The following OPRD1 variants were observed in gnomAD, a reference collection of about 807,000 sequenced individuals.
OPRD1 encodes the protein opioid receptor delta 1, also known as delta-type opioid receptor.
Under a neutral mutation model 17.5 loss-of-function variants are expected in OPRD1, and 19 were observed. The ratio of observed to expected loss-of-function variants is 1.09; its 90% CI spans 0.76 to 1.60. OPRD1 has a LOEUF of 1.60. OPRD1 is among the 40% of genes most tolerant of loss of function. The pLI is 0.00. For synonymous variants in OPRD1, 256 were observed against 240.9 expected (o/e 1.06, Z -0.58); for missense variants, 483 against 547.2 (o/e 0.88, Z 1.17).
intron 1 of OPRD1, among the ~76,000 whole-genome samples, chr1:28,819,823 G>A (rs1344926030): frequency 1.3e-5 from 2 of 152,318 alleles, no homozygotes; most frequent in East Asian, 3.9e-4. Context: ...ATGGGGTAGA[G>A]GGTAGATTGC....
chr1:28,852,968 C>T (rs1297893326), intron 1 of OPRD1, among the ~76,000 whole-genome samples: 56 of 152,158 alleles, frequency 3.7e-4, no homozygotes, highest in Admixed American at 3.7e-3. Context: ...GATCTACCCA[C>T]CTTGGCCTCC....
intron 1 of OPRD1, among the ~76,000 whole-genome samples, chr1:28,855,122 C>T (rs548012025): frequency 3.9e-5 from 6 of 152,194 alleles, no homozygotes; most frequent in East Asian, 1.9e-4. Flanking sequence ...AAAATGAAGC[C>T]GCTGAAGGAG....
At chr1:28,817,094 A>G (rs2088677253) in intron 1 of OPRD1, among the ~76,000 whole-genome samples, 1 of 152,036 alleles carries the variant, frequency 6.6e-6, no homozygotes, top group Admixed American at 6.6e-5. Context: ...GCCAGCCTCC[A>G]TGAGACGCCT....
rs2089173015 is a variant in OPRD1 at position 28,866,004 on chromosome 1, A to C, written c.*2721A>C. On this transcript the variant is annotated 3_prime_UTR_variant, in exon 3 of 3. Coordinates refer to ENST00000234961, the MANE Select transcript of OPRD1 (RefSeq NM_000911.4). ...TGTTTTTTGCCCCTTCTGATATGTA[A>C]ATCTGTCCTGAGGTCAGCAGGGCCC... 1 of 152,104 alleles carries C rather than the reference A, an allele frequency of 6.6e-6. No individual in the cohort carries two copies. The highest frequency in any genetic ancestry group is 1.5e-5 in the Non-Finnish European group (1 of 68,032). 9.4% of individuals were successfully genotyped at this position (152,104 alleles called of 1,614,324 possible).
intron 1 of OPRD1, among the ~76,000 whole-genome samples, chr1:28,843,562 T>A (rs2088912943): frequency 6.6e-6 from 1 of 152,226 alleles, no homozygotes; most frequent in Non-Finnish European, 1.5e-5. Context: ...CAAATTTTAT[T>A]TAGCACGATA....
At chr1:28,819,762 G>A (rs948007103) in intron 1 of OPRD1, among the ~76,000 whole-genome samples, 9 of 152,142 alleles carry the variant, frequency 5.9e-5, no homozygotes, top group East Asian at 3.8e-4. Context: ...ATGACATGGC[G>A]GAATGGAGGC....
intron 1 of OPRD1, among the ~76,000 whole-genome samples, chr1:28,826,040 A>G (rs977675492): frequency 6.6e-6 from 1 of 152,212 alleles, no homozygotes; most frequent in East Asian, 1.9e-4. Context: ...ATGGACAGTA[A>G]ACAAATAGAT....
chr1:28,826,831 C>G (rs930949064), intron 1 of OPRD1, among the ~76,000 whole-genome samples: 1 of 152,148 alleles, frequency 6.6e-6, no homozygotes, highest in African/African-American at 2.4e-5. Flanking sequence ...CTGTAGCATG[C>G]GATGCTGTTT....
intron 1 of OPRD1, among the ~76,000 whole-genome samples, chr1:28,835,027 G>A (rs1420486322): frequency 6.6e-6 from 1 of 152,196 alleles, no homozygotes; most frequent in Non-Finnish European, 1.5e-5. Context: ...GAGTGGGTGT[G>A]GGGTAGAGGG....
At chr1:28,860,053 C>T (rs959760203) in intron 2 of OPRD1, among the ~76,000 whole-genome samples, 6 of 152,098 alleles carry the variant, frequency 3.9e-5, no homozygotes, top group South Asian at 2.1e-4. Context: ...GGAGAGGGAG[C>T]GAGGAGAAAG....
At chr1:28,833,788 C>T (rs1569621175) in intron 1 of OPRD1, among the ~76,000 whole-genome samples, 2 of 152,274 alleles carry the variant, frequency 1.3e-5, no homozygotes, top group South Asian at 2.1e-4. Context: ...GATCCACAGT[C>T]CCCTCATCTA....
intron 1 of OPRD1, among the ~76,000 whole-genome samples, chr1:28,829,046 C>G (rs528936775): frequency 6.6e-6 from 1 of 150,712 alleles, no homozygotes; most frequent in Non-Finnish European, 1.5e-5. Context: ...AGCTTTGTAA[C>G]CAGGCACTGA....
chr1:28,858,750 T>C (rs993639597), intron 1 of OPRD1, among the ~76,000 whole-genome samples: 2 of 152,032 alleles, frequency 1.3e-5, no homozygotes, highest in East Asian at 3.9e-4. Context: ...TTCGTCTTGT[T>C]AGCCAGGATG....
Position 28,859,158 on chromosome 1 carries a change from T to G in OPRD1, c.432T>G (p.Val144=), listed in dbSNP as rs765779044. Residue 144 remains valine (V), a synonymous_variant, in exon 2 of 3, where the codon GTT becomes GTG. Transcript: ENST00000234961. ...TCTTCACGCTCACCATGATGAGTGTTGACCGCTACATCGCTGTCTGCCACC... is the reference window on the plus strand; with the variant it reads ...TCTTCACGCTCACCATGATGAGTGTGGACCGCTACATCGCTGTCTGCCACC... ...TSIFTLTMMS[V]DRYIAVCHPV... 3 of 1,614,256 alleles carry G rather than the reference T, an allele frequency of 1.9e-6. No individual in the cohort carries two copies. The highest frequency in any genetic ancestry group is 1.7e-5 in the Admixed American group (1 of 60,026).
chr1:28,854,463 C>A (rs1277990710), intron 1 of OPRD1, among the ~76,000 whole-genome samples: 1 of 151,872 alleles, frequency 6.6e-6, no homozygotes, highest in South Asian at 2.1e-4. Flanking sequence ...CTCAAGCAGT[C>A]CTCGACCTCA....
rs183431766 is a variant in OPRD1, at chr1:28,824,127, C to T, written c.227+11517C>T. On this transcript the variant is annotated intron_variant, in intron 1 of 2. Coordinates refer to ENST00000234961, the MANE Select transcript of OPRD1 (RefSeq NM_000911.4). ...CTGGGAGGCGGAGGTTGCAGTGAGC[C>T]GAGATCGCATCACTGCACTCCAGTC... 7.2e-3 allele frequency among the ~76,000 whole-genome samples: 1,054 copies of T among 146,140 alleles called. 5 individuals carry two copies. The highest frequency in any genetic ancestry group is 0.012 in the Non-Finnish European group (815 of 67,066).
In OPRD1 at chr1:28,859,084, C is replaced by T; in HGVS notation, c.358C>T (p.Leu120Phe). The T allele has an allele frequency of 1.2e-6, 2 of 1,614,244 alleles. No homozygotes were observed. The highest frequency in any genetic ancestry group is 1.6e-4 in the Middle Eastern group (1 of 6,062). The change falls in exon 2 of 3, where the codon CTC (leucine) becomes TTC (phenylalanine). Residue 120 changes from leucine to phenylalanine, a missense_variant. Coordinates refer to ENST00000234961, the MANE Select transcript of OPRD1 (RefSeq NM_000911.4). ...LMETWPFGEL[L>F]CKAVLSIDYY... ...GGAGACGTGGCCCTTCGGCGAGCTGCTCTGCAAGGCTGTGCTCTCCATCGA... is the reference window on the plus strand; with the variant it reads ...GGAGACGTGGCCCTTCGGCGAGCTGTTCTGCAAGGCTGTGCTCTCCATCGA...
chr1:28,823,481 C>A (rs2088733986), intron 1 of OPRD1, among the ~76,000 whole-genome samples: 1 of 152,062 alleles, frequency 6.6e-6, no homozygotes, highest in Non-Finnish European at 1.5e-5. Flanking sequence ...ACTGCAACCT[C>A]CGCCTCCTGG....
intron 1 of OPRD1, among the ~76,000 whole-genome samples, chr1:28,853,913 G>C (rs2089032066): frequency 6.6e-6 from 1 of 151,508 alleles, no homozygotes; most frequent in South Asian, 2.1e-4. Context: ...GCTAATTTTT[G>C]TATTTTTTGT....
Sources: allele counts gnomAD v4.1 joint callset (sites outside exome capture counted in the v4.1 genomes callset), GRCh38; gene constraint gnomAD v4.1.1; transcripts MANE v1.5; gene names NCBI Gene and HGNC (gene_info 2026-07-23, HGNC 2026-07-21).